RNF135: variants seen among roughly 807,000 people sequenced by gnomAD.
RNF135 encodes the protein ring finger protein 135.
A neutral mutation model predicts 41.9 loss-of-function variants in RNF135; 46 were observed. That is an observed-to-expected ratio of 1.10 (90% CI 0.87 to 1.40). The LOEUF is 1.40. RNF135 is among the 40% of genes most tolerant of loss of function. The pLI is 0.00. For synonymous variants in RNF135, 238 were observed against 223.8 expected (o/e 1.06, Z -0.57); for missense variants, 539 against 549.8 (o/e 0.98, Z 0.20).
chr17:30,985,024 G>A (rs1907489437), intron 2 of RNF135, among the ~76,000 whole-genome samples: 1 of 152,134 alleles, frequency 6.6e-6, no homozygotes, highest in African/African-American at 2.4e-5. Context: ...TCTGGTGCCT[G>A]TCTCTATAAG....
At chr17:30,989,390 G>A (rs1907832780) in intron 3 of RNF135, among the ~76,000 whole-genome samples, 1 of 152,032 alleles carries the variant, frequency 6.6e-6, no homozygotes, top group South Asian at 2.1e-4. Context: ...TTTGTAACTA[G>A]TTCTTGATAC....
upstream of RNF135, chr17:30,969,127 TCC>T (rs1905683102): frequency 6.6e-6 from 1 of 152,196 alleles, no homozygotes; most frequent in Non-Finnish European, 1.5e-5. Context: ...GGTCTCGAAC[TCC>T]TGAGTTCAGG....
chr17:30,977,095 T>C (rs1376928231), intron 1 of RNF135, among the ~76,000 whole-genome samples: 1 of 152,224 alleles, frequency 6.6e-6, no homozygotes, highest in African/African-American at 2.4e-5. Context: ...TTATTTTTTG[T>C]GTATCCATTA....
chr17:30,972,028 A>C (rs117549782), intron 1 of RNF135: 1 of 152,412 alleles, frequency 6.6e-6, no homozygotes, highest in African/African-American at 2.4e-5. Flanking sequence ...TTGACCACAG[A>C]TGATCCGTCC....
chr17:30,976,873 CTTG>C (rs1421595359), intron 1 of RNF135, among the ~76,000 whole-genome samples: 2 of 151,978 alleles, frequency 1.3e-5, no homozygotes, highest in African/African-American at 4.8e-5. Context: ...ATCATTGGGT[CTTG>C]TTTTTTTATC....
chr17:30,994,644 T>A (rs113098193), intron 3 of RNF135, among the ~76,000 whole-genome samples: 2,186 of 152,084 alleles, frequency 0.014, 39 homozygotes, highest in African/African-American at 0.042. Flanking sequence ...ATTTTATTTT[T>A]TTTTTTGAGA....
chr17:30,971,032 C>T (rs1364968607), upstream of RNF135: 1 of 1,532,944 alleles, frequency 6.5e-7, no homozygotes, highest in Non-Finnish European at 8.7e-7. Flanking sequence ...GGAGACTCGC[C>T]CGGCTCAACC....
In RNF135 at chr17:30,998,726, C is replaced by T. The variant is rs1222042756; in HGVS notation, c.834C>T (p.Ser278=). 6 of 1,613,624 alleles carry T rather than the reference C, an allele frequency of 3.7e-6. No individual in the cohort carries two copies. The highest frequency in any genetic ancestry group is 2.2e-5 in the East Asian group (1 of 44,884). Residue 278 remains serine, a synonymous_variant, in exon 5 of 5, where the codon TCC becomes TCT. Coordinates refer to ENST00000328381, the MANE Select transcript of RNF135 (RefSeq NM_032322.4). The stretch of plus-strand genomic sequence containing the variant: ...GCAGCCTGGAGGTGTCCAAGGATTC[C>T]CGTACAGTGACTGTGTCTCACCGCC... The part of the protein sequence containing the change: ...LSCSLEVSKD[S]RTVTVSHRPQ...
intron 1 of RNF135, among the ~76,000 whole-genome samples, chr17:30,976,544 G>A (rs1906475302): frequency 6.6e-6 from 1 of 152,172 alleles, no homozygotes; most frequent in African/African-American, 2.4e-5. Flanking sequence ...AATGCCAAAA[G>A]TGGGTTGTTG....
At chr17:30,981,899 C>T (rs1177638656) in intron 1 of RNF135, among the ~76,000 whole-genome samples, 9 of 152,224 alleles carry the variant, frequency 5.9e-5, no homozygotes, top group African/African-American at 1.9e-4. Context: ...TTCTCCAAAA[C>T]AGTCTGTCTG....
In RNF135 at chr17:30,999,229, C is replaced by T. The variant is rs777472274; in HGVS notation, c.*38C>T. ...GATTACAACACAGTGGTTTCCTGGTCTCTCTCCCTGTCATCAATCAGGGTA... is the reference window on the plus strand; with the variant it reads ...GATTACAACACAGTGGTTTCCTGGTTTCTCTCCCTGTCATCAATCAGGGTA... On this transcript the variant is annotated 3_prime_UTR_variant, in exon 5 of 5. Transcript: ENST00000328381. The T allele has an allele frequency of 7.5e-6, 12 of 1,598,316 alleles. No homozygotes were observed. Among genetic ancestry groups the T allele is most frequent in the African/African-American group, 4.0e-5 (3 of 74,662 alleles).
At chr17:30,979,240 A>AT (rs1906753368) in intron 1 of RNF135, 1 of 70,332 alleles carries the variant, frequency 1.4e-5, no homozygotes, top group African/African-American at 1.0e-4. Flanking sequence ...CGGGGGGCTG[A>AT]CCCCCCCCCC....
the RNF135 span, among the ~76,000 whole-genome samples, chr17:30,961,992 A>G: frequency 1.3e-5 from 2 of 152,032 alleles, no homozygotes; most frequent in Non-Finnish European, 1.5e-5. Flanking sequence ...ACTCCCATAA[A>G]GGGAGTCTCC....
At position 30,971,171 on chromosome 17, in the gene RNF135, C is replaced by G; in HGVS notation, c.98C>G (p.Thr33Arg). The G allele has an allele frequency of 6.5e-7, 1 of 1,530,162 alleles. No individual in the cohort carries two copies. The highest frequency in any genetic ancestry group is 8.7e-7 in the Non-Finnish European group (1 of 1,144,482). 94.8% of individuals were successfully genotyped at this position (1,530,162 alleles called of 1,614,324 possible). A position where few individuals can be genotyped will look rare whatever the true frequency, so the allele number is the denominator to read the frequency against. ...CAGGGGCTGCTGGACTGGCCCGCCA[C>G]GCTGCCCTGCGGCCACAGCTTCTGC... ...ICQGLLDWPA[T>R]LPCGHSFCRH... The change falls in exon 1 of 5, where the codon ACG becomes AGG. Residue 33 changes from threonine (T) to arginine (R), a missense_variant. Coordinates refer to ENST00000328381, the MANE Select transcript of RNF135 (RefSeq NM_032322.4).
Position 30,971,252 on chromosome 17 carries a change from C to T in RNF135, c.179C>T (p.Pro60Leu). 2 of 1,521,910 alleles carry T rather than the reference C, an allele frequency of 1.3e-6. No individual in the cohort carries two copies. The highest frequency in any genetic ancestry group is 1.8e-6 in the Non-Finnish European group (2 of 1,140,016). The allele number at this position is 1,521,910 out of a possible 1,614,324, so 94.3% of individuals were successfully genotyped here. Residue 60 changes from proline to leucine, a missense_variant, in exon 1 of 5, where the codon CCC (proline) becomes CTC (leucine). Pro to Leu is a moderately conservative substitution (Grantham distance 98, BLOSUM62 -3). Around this residue, in one of 2 missense-constraint regions of RNF135, gnomAD observed 277 missense variants for 212.8 expected, o/e 1.30. Coordinates refer to ENST00000328381, the MANE Select transcript of RNF135 (RefSeq NM_032322.4). ...GARDARRWAC[P>L]TCRQGAAQQP... ...CGCGACGCCCGCCGCTGGGCCTGCC[C>T]CACTTGCCGCCAGGGCGCCGCGCAG...
At chr17:30,961,742 G>A in the RNF135 span, among the ~76,000 whole-genome samples, 3 of 152,130 alleles carry the variant, frequency 2.0e-5, no homozygotes, top group African/African-American at 7.2e-5. Flanking sequence ...GGGATTACAT[G>A]CGTGAGCCAC....
chr17:30,979,968 G>T (rs1906922794), intron 1 of RNF135, among the ~76,000 whole-genome samples: 1 of 107,480 alleles, frequency 9.3e-6, no homozygotes, highest in Non-Finnish European at 1.9e-5. Context: ...CGGACGGGGC[G>T]GCTGGCCAGG....
chr17:30,973,528 C>T (rs1906179700), intron 1 of RNF135, among the ~76,000 whole-genome samples: 1 of 151,452 alleles, frequency 6.6e-6, no homozygotes, highest in African/African-American at 2.4e-5. Context: ...AGTGCAGTGA[C>T]ACGATCTCAG....
intron 3 of RNF135, among the ~76,000 whole-genome samples, chr17:30,995,831 G>A (rs539639895): frequency 4.0e-5 from 6 of 151,112 alleles, no homozygotes; most frequent in East Asian, 2.0e-4. Flanking sequence ...TTGGCTCACC[G>A]CAACCTCTGC....
Sources: gnomAD v4.1 joint callset for allele counts (sites outside exome capture counted in the v4.1 genomes callset) on GRCh38, gnomAD v4.1.1 for gene constraint, gnomAD v4.1.1 regional missense constraint, MANE v1.5 for transcripts, NCBI Gene and HGNC (gene_info 2026-07-23, HGNC 2026-07-21) for gene names.